PTPRD: variants seen among roughly 807,000 people sequenced by gnomAD.
PTPRD encodes receptor-type tyrosine-protein phosphatase delta.
In PTPRD, 34 loss-of-function variants were observed where a neutral mutation model predicts 214.5. The observed-to-expected ratio is 0.16, with a 90% CI of 0.12 to 0.21. The LOEUF (loss-of-function observed/expected upper bound fraction) is 0.21. PTPRD is among the 10% of genes least tolerant of loss of function. The pLI is 1.00. For missense variants in PTPRD, 2,545 were observed against 2,398.7 expected (o/e 1.06, Z -1.27); for synonymous variants, 1,128 against 845.7 (o/e 1.33, Z -5.79).
At chr9:8,838,094 G>T (rs1025923432) in intron 11 of PTPRD, among the ~76,000 whole-genome samples, 1 of 152,068 alleles carries the variant, frequency 6.6e-6, no homozygotes. Context: ...AATCTTAAGG[G>T]AGAGGGGTCC....
At chr9:10,032,577 G>A (rs1480317445) in intron 4 of PTPRD, among the ~76,000 whole-genome samples, 1 of 152,048 alleles carries the variant, frequency 6.6e-6, no homozygotes, top group Admixed American at 6.6e-5. Flanking sequence ...TTCCACATCA[G>A]CCACATGTAC....
intron 10 of PTPRD, among the ~76,000 whole-genome samples, chr9:9,020,421 CATA>C (rs1403272074): frequency 1.3e-5 from 2 of 152,016 alleles, no homozygotes; most frequent in Admixed American, 6.6e-5. Context: ...CTTGGACCAC[CATA>C]ATGACAGTTG....
At chr9:9,214,690 T>G in intron 9 of PTPRD, among the ~76,000 whole-genome samples, 1 of 152,194 alleles carries the variant, frequency 6.6e-6, no homozygotes, top group Non-Finnish European at 1.5e-5. Context: ...GCCAATATTT[T>G]TATCTAGCCC....
intron 3 of PTPRD, among the ~76,000 whole-genome samples, chr9:10,311,006 T>G (rs2154417493): frequency 6.6e-6 from 1 of 152,146 alleles, no homozygotes; most frequent in South Asian, 2.1e-4. Flanking sequence ...GATTGCAAAC[T>G]TCATTTGGCC....
chr9:9,294,523 A>G (rs1952334119), intron 9 of PTPRD, among the ~76,000 whole-genome samples: 4 of 151,668 alleles, frequency 2.6e-5, no homozygotes, highest in African/African-American at 9.7e-5. Flanking sequence ...TTAAGGTTAA[A>G]TGAGTTCCTA....
intron 3 of PTPRD, among the ~76,000 whole-genome samples, chr9:10,048,328 C>G (rs1267151292): frequency 6.6e-6 from 1 of 152,096 alleles, no homozygotes; most frequent in Non-Finnish European, 1.5e-5. Context: ...TCACTAGCCC[C>G]CAGTACTTCA....
At chr9:9,409,852 T>C (rs564242389) in intron 8 of PTPRD, among the ~76,000 whole-genome samples, 2 of 152,222 alleles carry the variant, frequency 1.3e-5, no homozygotes, top group East Asian at 1.9e-4. Flanking sequence ...AGGTTTCTAA[T>C]ATTTTTTCGG....
chr9:8,989,157 A>G (rs2099356748), intron 11 of PTPRD, among the ~76,000 whole-genome samples: 1 of 152,036 alleles, frequency 6.6e-6, no homozygotes, highest in South Asian at 2.1e-4. Flanking sequence ...ACAATGTGTA[A>G]TGATCAAATC....
chr9:9,357,590 AG>A (rs2054297151), intron 9 of PTPRD, among the ~76,000 whole-genome samples: 1 of 151,216 alleles, frequency 6.6e-6, no homozygotes, highest in Non-Finnish European at 1.5e-5. Context: ...AGAATCAGAG[AG>A]CAGTGTGAGG....
intron 5 of PTPRD, among the ~76,000 whole-genome samples, chr9:9,821,764 GCCAATA>G (rs1347614945): frequency 1.3e-5 from 2 of 151,530 alleles, no homozygotes; most frequent in Non-Finnish European, 2.9e-5. Context: ...AACTACATTG[GCCAATA>G]CCACATAGAT....
At chr9:9,370,413 G>T (rs548224432) in intron 9 of PTPRD, among the ~76,000 whole-genome samples, 22 of 151,786 alleles carry the variant, frequency 1.4e-4, no homozygotes, top group Non-Finnish European at 3.1e-4. Context: ...CTCTCTATTT[G>T]TCTGTTATTG....
chr9:10,174,627 A>G (rs969534383), intron 3 of PTPRD, among the ~76,000 whole-genome samples: 1 of 151,968 alleles, frequency 6.6e-6, no homozygotes, highest in African/African-American at 2.4e-5. Context: ...TGGAATTTAA[A>G]TTTTTTTACA....
At chr9:8,826,419 G>A (rs1455449281) in intron 11 of PTPRD, among the ~76,000 whole-genome samples, 3 of 152,050 alleles carry the variant, frequency 2.0e-5, no homozygotes, top group Non-Finnish European at 2.9e-5. Context: ...CAGACCTCCT[G>A]ACCATTTTTC....
intron 10 of PTPRD, among the ~76,000 whole-genome samples, chr9:9,181,743 T>C (rs941388429): frequency 1.3e-5 from 2 of 152,026 alleles, no homozygotes; most frequent in African/African-American, 4.8e-5. Flanking sequence ...TATAATAGAA[T>C]TGGTCTGTCT....
At chr9:9,718,842 G>T (rs894558421) in intron 7 of PTPRD, among the ~76,000 whole-genome samples, 3 of 152,210 alleles carry the variant, frequency 2.0e-5, no homozygotes, top group Non-Finnish European at 4.4e-5. Flanking sequence ...GTCTGAGATT[G>T]GCTTGGCACG....
chr9:8,460,723 G>C, intron 32 of PTPRD, 152 bp from the exon 33 acceptor site: 2 of 654,940 alleles, frequency 3.1e-6, no homozygotes, highest in Admixed American at 3.5e-5. Context: ...GGGGAGAGGA[G>C]AATAAAGAAA....
At chr9:10,155,219 G>T (rs565487273) in intron 3 of PTPRD, among the ~76,000 whole-genome samples, 1 of 152,064 alleles carries the variant, frequency 6.6e-6, no homozygotes, top group Admixed American at 6.6e-5. Flanking sequence ...TTTTGAATGA[G>T]ATAGCATTCC....
chr9:8,567,840 C>A (rs752491512), intron 14 of PTPRD, among the ~76,000 whole-genome samples: 3 of 152,068 alleles, frequency 2.0e-5, no homozygotes, highest in Non-Finnish European at 2.9e-5. Context: ...TTCATGGAAT[C>A]AGGATCAAGG....
chr9:8,762,351 A>C (rs2094463876), intron 11 of PTPRD, among the ~76,000 whole-genome samples: 1 of 152,198 alleles, frequency 6.6e-6, no homozygotes, highest in Non-Finnish European at 1.5e-5. Flanking sequence ...TATATCAATA[A>C]AACTGCATAT....
Sources: allele counts gnomAD v4.1 joint callset (sites outside exome capture counted in the v4.1 genomes callset), GRCh38; gene constraint gnomAD v4.1.1; transcripts MANE v1.5; gene names NCBI Gene and HGNC (gene_info 2026-07-23, HGNC 2026-07-21).